Variants in PCDHA2 observed in about 807,000 individuals in gnomAD.
PCDHA2 encodes protocadherin alpha-2.
In PCDHA2, 58 loss-of-function variants were observed where a neutral mutation model predicts 66.0. The ratio of observed to expected loss-of-function variants is 0.88; its 90% CI spans 0.71 to 1.09. The LOEUF (loss-of-function observed/expected upper bound fraction) is 1.09. PCDHA2 is among the 50% of genes least tolerant of loss of function. The probability of loss-of-function intolerance (pLI) is 0.00; values close to 1 mark genes in which losing one functional copy is unlikely to be tolerated. For missense variants in PCDHA2, 1,267 were observed against 1,242.3 expected, an observed-to-expected ratio of 1.02 and a Z score of -0.30; for synonymous variants, 634 against 554.0, an observed-to-expected ratio of 1.14 and a Z score of -2.03.
intron 1 of PCDHA2, chr5:140,835,965 C>G (rs1422136448): frequency 1.2e-6 from 2 of 1,613,074 alleles, no homozygotes; most frequent in African/African-American, 1.3e-5. Flanking sequence ...CCACGAGGAG[C>G]TGGAGCTGTT....
chr5:140,836,543 G>A lies in PCDHA2; in HGVS notation c.2388+39191G>A, dbSNP rs1209808083. On this transcript the variant is annotated intron_variant, in intron 1 of 3. Coordinates refer to ENST00000526136, the MANE Select transcript of PCDHA2 (RefSeq NM_018905.3). ...TGCTTACCCTGCTGCTGTACACGGC[G>A]TTGCGGTGCTCAGCGCCGTCCTCTG... 3 of 1,613,702 alleles carry A rather than the reference G, an allele frequency of 1.9e-6. No homozygotes were observed. The African/African-American group carries it at 4.0e-5, about 22-fold the overall frequency.
At chr5:140,885,737 A>G (rs1347685899) in intron 1 of PCDHA2, among the ~76,000 whole-genome samples, 1 of 152,222 alleles carries the variant, frequency 6.6e-6, no homozygotes, top group South Asian at 2.1e-4. Context: ...ATGATATTTC[A>G]CTGTTACTTT....
rs199940622 is a variant in PCDHA2, at chr5:140,870,517, C to T, written c.2388+73165C>T. ...GAAGGAGAACAACCCACCAGGCTGCCACATCTTCACAGTGTCGGCGCGGGA... is the reference window on the plus strand; with the variant it reads ...GAAGGAGAACAACCCACCAGGCTGCTACATCTTCACAGTGTCGGCGCGGGA... On this transcript the variant is annotated intron_variant, in intron 1 of 3. Coordinates refer to ENST00000526136, the MANE Select transcript of PCDHA2 (RefSeq NM_018905.3). The T allele has an allele frequency of 6.8e-6, 11 of 1,614,224 alleles. No homozygotes were observed. Among genetic ancestry groups the T allele is most frequent in the Non-Finnish European group, 9.3e-6 (11 of 1,180,048 alleles).
At chr5:140,818,515 C>T (rs1370679043) in intron 1 of PCDHA2, among the ~76,000 whole-genome samples, 2 of 152,136 alleles carry the variant, frequency 1.3e-5, no homozygotes, top group Non-Finnish European at 2.9e-5. Context: ...TCAGATATAA[C>T]CTGAGAGATT....
At chr5:140,871,086 G>GGCCACC (rs782688668) in intron 1 of PCDHA2, 1 of 1,613,256 alleles carries the variant, frequency 6.2e-7, no homozygotes, top group Non-Finnish European at 8.5e-7. Context: ...TGACGGCCAC[G>GGCCACC]GCCACCGTGC....
chr5:140,858,323 G>A, intron 1 of PCDHA2: 2 of 1,596,704 alleles, frequency 1.3e-6, no homozygotes, highest in Non-Finnish European at 1.7e-6. Context: ...GGTGTGTTCT[G>A]GGGAGGGCCT....
intron 1 of PCDHA2, chr5:140,875,638 C>G (rs2055668574): frequency 6.2e-7 from 1 of 1,613,532 alleles, no homozygotes; most frequent in Non-Finnish European, 8.5e-7. Context: ...GGGGCTGGAG[C>G]TGGCGGAGCT....
chr5:140,958,197 A>G (rs896064147), intron 1 of PCDHA2, among the ~76,000 whole-genome samples: 7 of 152,140 alleles, frequency 4.6e-5, no homozygotes, highest in Non-Finnish European at 1.0e-4. Context: ...CTGGTCTAGT[A>G]TACAAGGGAA....
At chr5:140,830,167 G>A in intron 1 of PCDHA2, 2 of 1,613,548 alleles carry the variant, frequency 1.2e-6, no homozygotes, top group South Asian at 1.1e-5. Flanking sequence ...CAGAGGCGGC[G>A]CTGGTGGATG....
At chr5:140,858,769 A>T in intron 1 of PCDHA2, 1 of 441,686 alleles carries the variant, frequency 2.3e-6, no homozygotes, top group Non-Finnish European at 4.1e-6. Flanking sequence ...TATTTGTGAG[A>T]TTAGTACTTC....
In PCDHA2 at chr5:140,796,609, G is replaced by A. The variant is rs574282635; in HGVS notation, c.1645G>A (p.Val549Met). The part of the protein sequence containing the change: ...DAGVPPLGSN[V>M]TLQVFVLDEN... Reference sequence around the variant, plus strand: ...GGGCGTGCCGCCTCTGGGCAGCAACGTGACGCTGCAGGTGTTCGTGCTGGA... The same window carrying A: ...GGGCGTGCCGCCTCTGGGCAGCAACATGACGCTGCAGGTGTTCGTGCTGGA... Residue 549 changes from valine to methionine, a missense_variant, in exon 1 of 4, where the codon GTG becomes ATG. By Grantham distance (21) the Val-to-Met change is conservative. Transcript: ENST00000526136. The A allele has an allele frequency of 9.7e-5, 157 of 1,612,598 alleles. 2 individuals carry two copies. The South Asian group carries it at 1.6e-3, about 17-fold the overall frequency.
intron 1 of PCDHA2, chr5:140,837,285 A>T (rs944502999): frequency 6.6e-6 from 1 of 151,990 alleles, no homozygotes; most frequent in Admixed American, 6.6e-5. Flanking sequence ...CTTCTTTTTA[A>T]CTTACTTTGT....
At chr5:140,928,817 G>A (rs868908592) in intron 1 of PCDHA2, 1 of 1,614,118 alleles carries the variant, frequency 6.2e-7, no homozygotes, top group Non-Finnish European at 8.5e-7. Flanking sequence ...CGGGACCATG[G>A]AGACCCACCA....
intron 1 of PCDHA2, chr5:140,851,749 A>C (rs2042149157): frequency 1.0e-6 from 1 of 971,858 alleles, no homozygotes; most frequent in African/African-American, 1.8e-5. Context: ...CAGAGTCTGT[A>C]ACTTAAAACA....
chr5:140,850,871 C>T (rs2041861877), intron 1 of PCDHA2: 1 of 1,591,984 alleles, frequency 6.3e-7, no homozygotes, highest in Admixed American at 1.7e-5. Flanking sequence ...CCTCTGCTTC[C>T]TCAGATTCAA....
chr5:140,835,256 C>T (rs201236040), intron 1 of PCDHA2: 72 of 1,606,500 alleles, frequency 4.5e-5, no homozygotes, highest in Non-Finnish European at 5.9e-5. Context: ...ATATAAAATC[C>T]AAGTTCCACA....
At chr5:140,998,472 A>G (rs1212895520) in intron 3 of PCDHA2, among the ~76,000 whole-genome samples, 1 of 151,938 alleles carries the variant, frequency 6.6e-6, no homozygotes, top group Non-Finnish European at 1.5e-5. Context: ...TTTTCCTCCC[A>G]CTGTGCTGTA....
chr5:140,857,857 C>T lies in PCDHA2; in HGVS notation c.2388+60505C>T, dbSNP rs1415276512. On this transcript the variant is annotated intron_variant, in intron 1 of 3. Transcript: ENST00000526136. ...CAGTGGACGCTGACTCTGGATACAA[C>T]GCGTGGCTGTCGTATGAATTGCAGT... 10 of 1,597,784 alleles carry T rather than the reference C, an allele frequency of 6.3e-6. 2 individuals are homozygous for T. Among genetic ancestry groups the T allele is most frequent in the African/African-American group, 1.3e-5 (1 of 74,362 alleles).
chr5:140,857,348 C>T lies in PCDHA2; in HGVS notation c.2388+59996C>T, dbSNP rs782358430. 9.4e-6 allele frequency: 15 copies of T among 1,598,398 alleles called. 2 individuals carry two copies. The highest frequency in any genetic ancestry group is 6.7e-5 in the African/African-American group (5 of 74,370). On this transcript the variant is annotated intron_variant, in intron 1 of 3. Coordinates refer to ENST00000526136, the MANE Select transcript of PCDHA2 (RefSeq NM_018905.3). ...CGCGCGGGACGGGGGCTCGCCTCCG[C>T]TGTGGGCCACGGCCAGCGTGTCTGT... is the stretch of plus-strand genomic sequence containing the variant.
Sources: allele counts gnomAD v4.1 joint callset (sites outside exome capture counted in the v4.1 genomes callset), GRCh38; gene constraint gnomAD v4.1.1; transcripts MANE v1.5; gene names NCBI Gene and HGNC (gene_info 2026-07-23, HGNC 2026-07-21).